FBXL17: variants seen among roughly 807,000 people sequenced by gnomAD.
FBXL17 encodes the protein F-box/LRR-repeat protein 17.
Under a neutral mutation model 66.2 loss-of-function variants are expected in FBXL17, and 22 were observed. The ratio of observed to expected loss-of-function variants is 0.33; its 90% CI spans 0.24 to 0.47. FBXL17 has a LOEUF of 0.47. Among genes scored for constraint, FBXL17 ranks in the 20% least tolerant of loss-of-function variants. The probability of loss-of-function intolerance (pLI) is 1.00; values close to 1 mark genes in which losing one functional copy is unlikely to be tolerated. For synonymous variants in FBXL17, 474 were observed against 400.5 expected (o/e 1.18, Z -2.19); for missense variants, 878 against 948.2 (o/e 0.93, Z 0.97).
chr5:108,354,304 T>C lies in FBXL17; in HGVS notation c.1375-5774A>G, dbSNP rs1313225814. ...AAATTTTTTAAAACTACAATTAATA[T>C]GTTAAGAGCTTTAATGGGAAAAGTA... On this transcript the variant is annotated intron_variant, in intron 3 of 8. Transcript: ENST00000542267. Among the ~76,000 whole-genome samples, 8 of 152,158 alleles carry C rather than the reference T, an allele frequency of 5.3e-5. No individual in the cohort carries two copies. The East Asian group carries it at 1.5e-3, about 29-fold the overall frequency.
intron 6 of FBXL17, among the ~76,000 whole-genome samples, chr5:108,084,602 T>C (rs772911669): frequency 3.7e-4 from 56 of 152,234 alleles, no homozygotes; most frequent in Non-Finnish European, 6.3e-4. Context: ...ATTAAATTCA[T>C]GTAAATAATT....
At chr5:108,375,928 T>A (rs2112638170) in intron 1 of FBXL17, among the ~76,000 whole-genome samples, 1 of 152,158 alleles carries the variant, frequency 6.6e-6, no homozygotes, top group African/African-American at 2.4e-5. Flanking sequence ...CATGACCAAG[T>A]AGGATTTATC....
Position 108,172,442 on chromosome 5 carries a change from C to T in FBXL17, c.1745+13675G>A, listed in dbSNP as rs144789450. On this transcript the variant is annotated intron_variant, in intron 6 of 8. Transcript: ENST00000542267. ...CAACGTCATATTGCACAAAAGAGTG[C>T]GTATATAAAAATACAGCCAGAAATT... Among the ~76,000 whole-genome samples, 391 of 152,234 alleles carry T rather than the reference C, an allele frequency of 2.6e-3. 2 individuals carry two copies. Among genetic ancestry groups the T allele is most frequent in the East Asian group, 0.01 (52 of 5,172 alleles).
chr5:107,998,187 T>C (rs1753558213), intron 7 of FBXL17, among the ~76,000 whole-genome samples: 1 of 152,212 alleles, frequency 6.6e-6, no homozygotes, highest in African/African-American at 2.4e-5. Context: ...ATAAAGTATA[T>C]TATTAAAATA....
At chr5:107,973,722 C>A (rs28526654) in intron 7 of FBXL17, among the ~76,000 whole-genome samples, 14,765 of 151,680 alleles carry the variant, frequency 0.097, 842 homozygotes, top group South Asian at 0.13. Flanking sequence ...CCTTTAATTC[C>A]GTCACCCAGG....
intron 6 of FBXL17, among the ~76,000 whole-genome samples, chr5:108,082,830 G>C (rs953510169): frequency 6.6e-6 from 1 of 152,158 alleles, no homozygotes; most frequent in African/African-American, 2.4e-5. Context: ...GGCCAAAAGA[G>C]ATATAAAAAG....
intron 6 of FBXL17, among the ~76,000 whole-genome samples, chr5:108,149,882 C>A (rs1387972837): frequency 1.3e-5 from 2 of 152,172 alleles, no homozygotes; most frequent in African/African-American, 4.8e-5. Context: ...AAGCTGACAG[C>A]AGAGAATTCT....
chr5:108,208,768 T>G (rs1270186367), intron 5 of FBXL17, among the ~76,000 whole-genome samples: 1 of 152,146 alleles, frequency 6.6e-6, no homozygotes, highest in African/African-American at 2.4e-5. Context: ...TTGTTCTTCT[T>G]GCACAGGACT....
intron 6 of FBXL17, among the ~76,000 whole-genome samples, chr5:108,061,536 A>C (rs1263608549): frequency 1.3e-5 from 2 of 152,106 alleles, no homozygotes; most frequent in African/African-American, 2.4e-5. Context: ...ATCGTTCAAA[A>C]GTTGACCCTG....
intron 6 of FBXL17, among the ~76,000 whole-genome samples, chr5:108,183,034 ATTTTTTTTTTTT>A (rs34101023): frequency 1.1e-5 from 1 of 91,556 alleles, no homozygotes; most frequent in South Asian, 4.2e-4. Flanking sequence ...ACAGTTTTCT[ATTTTTTTTTTTT>A]TTTTTTTTTT....
intron 4 of FBXL17, among the ~76,000 whole-genome samples, chr5:108,238,739 G>C (rs1031728823): frequency 6.6e-5 from 10 of 152,002 alleles, no homozygotes; most frequent in Admixed American, 3.9e-4. Flanking sequence ...GGCTGGTTTT[G>C]AACTTAAGCA....
chr5:108,026,276 G>T (rs2112775782), intron 6 of FBXL17, among the ~76,000 whole-genome samples: 1 of 151,980 alleles, frequency 6.6e-6, no homozygotes, highest in East Asian at 1.9e-4. Context: ...TTGCAGAAAT[G>T]GCATGAAATA....
intron 4 of FBXL17, among the ~76,000 whole-genome samples, chr5:108,243,043 G>A (rs773306224): frequency 2.6e-5 from 4 of 152,024 alleles, no homozygotes; most frequent in Non-Finnish European, 4.4e-5. Flanking sequence ...CTGATAATTC[G>A]ATTGTTTATT....
chr5:108,016,795 T>G (rs554916451), intron 7 of FBXL17, among the ~76,000 whole-genome samples: 1 of 151,642 alleles, frequency 6.6e-6, no homozygotes, highest in Admixed American at 6.6e-5. Flanking sequence ...TCTTTTTTTT[T>G]TGAGACAGAG....
chr5:107,885,121 A>C (rs1466278253), intron 7 of FBXL17, among the ~76,000 whole-genome samples: 1 of 152,220 alleles, frequency 6.6e-6, no homozygotes, highest in Non-Finnish European at 1.5e-5. Flanking sequence ...GACACATTAC[A>C]ATGGTATTTA....
chr5:108,375,693 T>C (rs1282122942), intron 1 of FBXL17, among the ~76,000 whole-genome samples: 2 of 152,090 alleles, frequency 1.3e-5, no homozygotes, highest in Admixed American at 1.3e-4. Flanking sequence ...ACCAGTAATA[T>C]GCTTCAATAA....
intron 4 of FBXL17, among the ~76,000 whole-genome samples, chr5:108,291,425 G>T (rs936325652): frequency 6.6e-5 from 10 of 152,202 alleles, no homozygotes; most frequent in Middle Eastern, 3.2e-3. Flanking sequence ...TGGTAGCAGA[G>T]AATTGAAATT....
chr5:108,027,858 GTAGT>G (rs1169723512), intron 6 of FBXL17, among the ~76,000 whole-genome samples: 1 of 152,084 alleles, frequency 6.6e-6, no homozygotes, highest in Admixed American at 6.6e-5. Flanking sequence ...AGAAACACAT[GTAGT>G]TAGTTACTTT....
Position 108,146,754 on chromosome 5 carries a change from G to GGGGGT in FBXL17, c.1745+39358_1745+39362dup, listed in dbSNP as rs1751576587. Among the ~76,000 whole-genome samples the GGGGGT allele has an allele frequency of 1.3e-5, 2 of 152,136 alleles. 1 individual carries two copies. Among genetic ancestry groups the GGGGGT allele is most frequent in the South Asian group, 4.1e-4 (2 of 4,822 alleles). The stretch of plus-strand genomic sequence containing the variant: ...GAAACATTCAGAGAAGCTGTATCCT[G>GGGGGT]GGGGTGGGGACACTCAAATCACAGG... On this transcript the variant is annotated intron_variant, in intron 6 of 8. Coordinates refer to ENST00000542267, the MANE Select transcript of FBXL17 (RefSeq NM_001163315.3).
Sources: allele counts gnomAD v4.1 joint callset (sites outside exome capture counted in the v4.1 genomes callset), GRCh38; gene constraint gnomAD v4.1.1; transcripts MANE v1.5; gene names NCBI Gene and HGNC (gene_info 2026-07-23, HGNC 2026-07-21).